MGAT5: variants seen among roughly 807,000 people sequenced by gnomAD.
MGAT5 encodes the protein alpha-1,6-mannosylglycoprotein 6-beta-N-acetylglucosaminyltransferase.
A neutral mutation model predicts 94.3 loss-of-function variants in MGAT5; 30 were observed. That is an observed-to-expected ratio of 0.32 (90% CI 0.24 to 0.43). The LOEUF (loss-of-function observed/expected upper bound fraction) is 0.43. Among genes scored for constraint, MGAT5 ranks in the 20% least tolerant of loss-of-function variants. MGAT5 has a pLI of 1.00. For missense variants in MGAT5, 691 were observed against 905.5 expected (o/e 0.76, Z 3.04); for synonymous variants, 310 against 322.9 (o/e 0.96, Z 0.43).
At position 134,454,103 on chromosome 2, in the gene MGAT5, C is replaced by G. The variant is rs924320998; in HGVS notation, c.*5256C>G. The G allele has an allele frequency of 3.9e-5, 6 of 152,232 alleles. No individual in the cohort carries two copies. Among genetic ancestry groups the G allele is most frequent in the Non-Finnish European group, 5.9e-5 (4 of 68,056 alleles). 9.4% of individuals were successfully genotyped at this position (152,232 alleles called of 1,614,324 possible). On this transcript the variant is annotated 3_prime_UTR_variant, in exon 16 of 16. Coordinates refer to ENST00000281923, the MANE Select transcript of MGAT5 (RefSeq NM_002410.5). The stretch of plus-strand genomic sequence containing the variant: ...TTTGTGGAGCCTTAAGACACTCCCT[C>G]AATGCCACCCTGACCCCACGGCTGG...
At chr2:134,275,393 C>T (rs1419459222) in intron 2 of MGAT5, among the ~76,000 whole-genome samples, 1 of 152,074 alleles carries the variant, frequency 6.6e-6, no homozygotes, top group East Asian at 1.9e-4. Flanking sequence ...GTATGGTTTT[C>T]ACTTTGTGTG....
chr2:134,422,749 CA>C (rs1684369717), intron 12 of MGAT5, 53 bp from the exon 13 acceptor site: 1 of 1,356,878 alleles, frequency 7.4e-7, no homozygotes, highest in East Asian at 2.3e-5. Context: ...CTCCATCTAG[CA>C]CAGGTTATTT....
chr2:134,420,262 G>A (rs944550947), intron 12 of MGAT5, among the ~76,000 whole-genome samples: 4 of 152,132 alleles, frequency 2.6e-5, no homozygotes, highest in African/African-American at 4.8e-5. Context: ...AGCAGGAAGC[G>A]TAGGGCTTCC....
rs1338275175 is a variant in MGAT5, at chr2:134,433,038, C to G, written c.1869+4599C>G. Among the ~76,000 whole-genome samples, 6 of 152,244 alleles carry G rather than the reference C, an allele frequency of 3.9e-5. No homozygotes were observed. The East Asian group carries it at 1.2e-3, about 29-fold the overall frequency. ...CAACTACCACCACACTCTAGTTTTG[C>G]AGCATTTCCGTCACCCCAAAAAACT... On this transcript the variant is annotated intron_variant, in intron 14 of 15. Coordinates refer to ENST00000281923, the MANE Select transcript of MGAT5 (RefSeq NM_002410.5).
chr2:134,189,634 G>T, intron 1 of MGAT5, among the ~76,000 whole-genome samples: 1 of 30,930 alleles, frequency 3.2e-5, no homozygotes, highest in South Asian at 1.1e-3. Flanking sequence ...ACAGAGTCTC[G>T]CTCTGTTGCC....
chr2:134,225,622 ATTC>A (rs1455061881), intron 1 of MGAT5, among the ~76,000 whole-genome samples: 2 of 152,176 alleles, frequency 1.3e-5, no homozygotes, highest in Admixed American at 6.5e-5. Context: ...CAGGAAAAGA[ATTC>A]TTTATTATCT....
At chr2:134,361,085 G>T (rs1359734304) in intron 9 of MGAT5, among the ~76,000 whole-genome samples, 1 of 152,242 alleles carries the variant, frequency 6.6e-6, no homozygotes, top group African/African-American at 2.4e-5. Flanking sequence ...TGTGCTGCAG[G>T]CTGGCCTTTG....
chr2:134,335,312 G>A (rs576152166), intron 4 of MGAT5, among the ~76,000 whole-genome samples: 3 of 152,200 alleles, frequency 2.0e-5, no homozygotes, highest in South Asian at 2.1e-4. Context: ...TATTTTCAAT[G>A]CCTGTTAGCC....
chr2:134,340,402 G>A (rs1414788188), intron 6 of MGAT5, among the ~76,000 whole-genome samples: 3 of 152,108 alleles, frequency 2.0e-5, no homozygotes, highest in Admixed American at 6.6e-5. Flanking sequence ...AAAGAACTTA[G>A]GAGCCAGCTT....
chr2:134,403,293 G>T (rs2106298678), intron 11 of MGAT5, among the ~76,000 whole-genome samples, 156 bp downstream of exon 11: 1 of 152,322 alleles, frequency 6.6e-6, no homozygotes, highest in South Asian at 2.1e-4. Context: ...AAAAGTAAGT[G>T]AATTGTGGAA....
intron 1 of MGAT5, among the ~76,000 whole-genome samples, chr2:134,257,352 G>A (rs1183609715): frequency 6.6e-6 from 1 of 152,144 alleles, no homozygotes; most frequent in Non-Finnish European, 1.5e-5. Flanking sequence ...CTCCAGAGTA[G>A]CTGGGATTAC....
At chr2:134,315,309 C>T (rs1451154084) in intron 2 of MGAT5, among the ~76,000 whole-genome samples, 1 of 152,218 alleles carries the variant, frequency 6.6e-6, no homozygotes, top group African/African-American at 2.4e-5. Context: ...CCCAGGCTCT[C>T]ATAGACTGTG....
At position 134,453,345 on chromosome 2, in the gene MGAT5, G is replaced by T. The variant is rs972316181; in HGVS notation, c.*4498G>T. ...AGGAAACAAGGCTGCAAGAATTTAT[G>T]AACTCCAGCTGGAAAAGGTAAAGGT... On this transcript the variant is annotated 3_prime_UTR_variant, in exon 16 of 16. Coordinates refer to ENST00000281923, the MANE Select transcript of MGAT5 (RefSeq NM_002410.5). 1.3e-4 allele frequency: 20 copies of T among 152,094 alleles called. No homozygotes were observed. Among genetic ancestry groups the T allele is most frequent in the African/African-American group, 4.8e-4 (20 of 41,372 alleles). 9.4% of individuals were successfully genotyped at this position (152,094 alleles called of 1,614,324 possible).
intron 1 of MGAT5, among the ~76,000 whole-genome samples, chr2:134,124,483 T>C (rs905686221): frequency 1.3e-5 from 2 of 152,240 alleles, no homozygotes; most frequent in African/African-American, 4.8e-5. Flanking sequence ...CTCTCGGGAC[T>C]CTGCCCAGTC....
intron 1 of MGAT5, among the ~76,000 whole-genome samples, chr2:134,165,600 C>A (rs2105086422): frequency 6.6e-6 from 1 of 152,142 alleles, no homozygotes; most frequent in South Asian, 2.1e-4. Flanking sequence ...AGGGTGAAAC[C>A]CCATCTCTCC....
intron 2 of MGAT5, among the ~76,000 whole-genome samples, chr2:134,287,263 T>A (rs1166533659): frequency 6.6e-6 from 1 of 152,214 alleles, no homozygotes; most frequent in African/African-American, 2.4e-5. Context: ...TTCCAAGAGT[T>A]GTTGTTCTCT....
chr2:134,374,970 G>T (rs766214618), intron 10 of MGAT5, among the ~76,000 whole-genome samples: 1 of 152,170 alleles, frequency 6.6e-6, no homozygotes, highest in Non-Finnish European at 1.5e-5. Flanking sequence ...TGGATAAATC[G>T]AGACTCTTGC....
At chr2:134,182,779 A>ATT (rs1688800576) in intron 1 of MGAT5, among the ~76,000 whole-genome samples, 2 of 118,324 alleles carry the variant, frequency 1.7e-5, no homozygotes, top group Non-Finnish European at 3.5e-5. Context: ...TTAGAAGATT[A>ATT]GTTTTTTTTT....
chr2:134,363,986 C>CA (rs1680261541), intron 10 of MGAT5, among the ~76,000 whole-genome samples: 1 of 152,172 alleles, frequency 6.6e-6, no homozygotes, highest in African/African-American at 2.4e-5. Flanking sequence ...AGAAAAGCCT[C>CA]TGTATCTGCT....
Sources: gnomAD v4.1 joint callset for allele counts (sites outside exome capture counted in the v4.1 genomes callset) on GRCh38, gnomAD v4.1.1 for gene constraint, MANE v1.5 for transcripts, NCBI Gene and HGNC (gene_info 2026-07-23, HGNC 2026-07-21) for gene names.